Variants in WDR48 observed in about 807,000 individuals in gnomAD.
The protein encoded by WDR48 is WD repeat domain 48, also known as WD repeat-containing protein 48.
Under a neutral mutation model 94.0 loss-of-function variants are expected in WDR48, and 22 were observed. The observed-to-expected ratio is 0.23, with a 90% confidence interval of 0.17 to 0.33. The LOEUF is 0.33. Among genes scored for constraint, WDR48 ranks in the 10% least tolerant of loss-of-function variants. WDR48 has a pLI of 1.00. For missense variants in WDR48, 541 were observed against 813.8 expected (o/e 0.66, Z 4.08); for synonymous variants, 278 against 280.5 (o/e 0.99, Z 0.09).
At position 39,079,748 on chromosome 3, in the gene WDR48, T is replaced by A; in HGVS notation, c.1113T>A (p.Asp371Glu). 8 of 1,562,396 alleles carry A rather than the reference T, an allele frequency of 5.1e-6. No individual in the cohort carries two copies. The highest frequency in any genetic ancestry group is 6.0e-6 in the Non-Finnish European group (7 of 1,162,216). The change falls in exon 11 of 19, where the codon GAT becomes GAA. Residue 371 changes from aspartate (D) to glutamate (E), a missense_variant. Around this residue, in one of 5 missense-constraint regions of WDR48, gnomAD observed 238 missense variants for 285.3 expected, o/e 0.83. Transcript: ENST00000302313. Reference protein sequence around the residue: ...ASIIQCHILNDKRHILTKDTN... With the variant: ...ASIIQCHILNEKRHILTKDTN... Reference sequence around the variant, plus strand: ...TTATTCAGTGCCACATTCTTAATGATAAGAGACATATATTAACCAAAGATA... The same window carrying A: ...TTATTCAGTGCCACATTCTTAATGAAAAGAGACATATATTAACCAAAGATA...
chr3:39,056,264 T>C (rs534820230), intron 1 of WDR48, among the ~76,000 whole-genome samples: 1 of 152,256 alleles, frequency 6.6e-6, no homozygotes, highest in Admixed American at 6.5e-5. Flanking sequence ...AAAGGAAGTG[T>C]TACAAAAATA....
chr3:39,074,728 C>T lies in WDR48; in HGVS notation c.675C>T (p.Cys225=), dbSNP rs376868647. Residue 225 remains cysteine, a splice_region_variant and synonymous_variant, in exon 8 of 19, where the codon TGC becomes TGT. Transcript: ENST00000302313. The part of the protein sequence containing the change: ...ALLLNRDGTQ[C]LSGSSDGTIR... ...ACTTTGCCTTTCTTTGTTTGCAGTG[C>T]CTGTCAGGCAGTTCTGATGGGACAA... 6.2e-7 allele frequency: 1 copy of T among 1,613,766 alleles called. No individual in the cohort carries two copies. The highest frequency in any genetic ancestry group is 8.5e-7 in the Non-Finnish European group (1 of 1,179,724).
At chr3:39,058,659 T>C (rs892795662) in intron 1 of WDR48, among the ~76,000 whole-genome samples, 9 of 152,212 alleles carry the variant, frequency 5.9e-5, no homozygotes, top group Non-Finnish European at 1.3e-4. Flanking sequence ...AGCCAATTCA[T>C]GCAATGATAC....
rs768027087 is a variant in WDR48, at chr3:39,089,220, T to C, written c.1581-11T>C. ...TGTTGGGTTACTTACTACTTGATGG[T>C]TTATGTTTAGGCTGCTCTGCCGAGA... On this transcript the variant is annotated splice_polypyrimidine_tract_variant and intron_variant, in intron 15 of 18. Coordinates refer to ENST00000302313, the MANE Select transcript of WDR48 (RefSeq NM_020839.4). 8.1e-6 allele frequency: 13 copies of C among 1,609,958 alleles called. No individual in the cohort carries two copies. In the South Asian group the frequency reaches 1.4e-4, roughly 18 times the overall value.
Position 39,071,526 on chromosome 3 carries a change from CTT to C in WDR48, c.672+1783_672+1784del, listed in dbSNP as rs142604960. Among the ~76,000 whole-genome samples the C allele has an allele frequency of 7.6e-3, 1,165 of 152,342 alleles. 16 individuals carry two copies. Among genetic ancestry groups the C allele is most frequent in the African/African-American group, 0.024 (1,018 of 41,572 alleles). On this transcript the variant is annotated intron_variant, in intron 7 of 18. Coordinates refer to ENST00000302313, the MANE Select transcript of WDR48 (RefSeq NM_020839.4). ...AAAGCTCTACCTGTCTGCTCCATCTCTTGTTTCCTATCTATGCAATTATGAAT... is the reference window on the plus strand; with the variant it reads ...AAAGCTCTACCTGTCTGCTCCATCTCGTTTCCTATCTATGCAATTATGAAT...
At chr3:39,090,560 T>C (rs1234380890) in intron 16 of WDR48, 1 of 152,234 alleles carries the variant, frequency 6.6e-6, no homozygotes, top group Non-Finnish European at 1.5e-5. Context: ...TCTAGCTCTC[T>C]AATCTATTAG....
intron 8 of WDR48, 24 bp downstream of exon 8, chr3:39,074,974 G>A (rs2034137366): frequency 6.2e-7 from 1 of 1,606,950 alleles, no homozygotes; most frequent in South Asian, 1.1e-5. Flanking sequence ...TAATATTTTA[G>A]TTTTATAATT....
chr3:39,054,699 A>G (rs777531497), intron 1 of WDR48, among the ~76,000 whole-genome samples: 47 of 152,330 alleles, frequency 3.1e-4, no homozygotes, highest in Admixed American at 2.4e-3. Context: ...TTGAATTGCT[A>G]TAAAGAAATA....
In WDR48 at chr3:39,056,946, A is replaced by C. The variant is rs145152193; in HGVS notation, c.48+4873A>C. Among the ~76,000 whole-genome samples, 1,213 of 152,260 alleles carry C rather than the reference A, an allele frequency of 8.0e-3. 7 individuals are homozygous for C. Among genetic ancestry groups the C allele is most frequent in the Non-Finnish European group, 9.7e-3 (660 of 68,024 alleles). The stretch of plus-strand genomic sequence containing the variant: ...GCAGTCAGCCTAGATTGTAATGAGA[A>C]GAAGGAGGGTTTGGAGGGGGAAGCC... On this transcript the variant is annotated intron_variant, in intron 1 of 18. Transcript: ENST00000302313.
intron 7 of WDR48, among the ~76,000 whole-genome samples, chr3:39,073,775 C>A (rs1316767430): frequency 3.3e-5 from 5 of 152,186 alleles, no homozygotes; most frequent in Non-Finnish European, 7.3e-5. Flanking sequence ...TGTTAACTCA[C>A]TTGAGGCTCA....
intron 2 of WDR48, among the ~76,000 whole-genome samples, chr3:39,064,919 G>C (rs2033510362): frequency 6.6e-6 from 1 of 152,178 alleles, no homozygotes; most frequent in Admixed American, 6.5e-5. Context: ...TCTCCTTTCT[G>C]AGCATTCACA....
intron 7 of WDR48, 65 bp from the exon 8 acceptor site, chr3:39,074,661 A>G: frequency 6.5e-7 from 1 of 1,534,830 alleles, no homozygotes. Context: ...GGAGAAGTCA[A>G]GTGCAAAGCA....
intron 7 of WDR48, among the ~76,000 whole-genome samples, chr3:39,072,759 C>T (rs550434972): frequency 6.6e-6 from 1 of 152,278 alleles, no homozygotes; most frequent in South Asian, 2.1e-4. Flanking sequence ...ATGACTCCTC[C>T]AGCTCCTACA....
chr3:39,084,022 A>G lies in WDR48; in HGVS notation c.1174-133A>G, dbSNP rs2034675057. 1.8e-5 allele frequency: 10 copies of G among 562,174 alleles called. No individual in the cohort carries two copies. The East Asian group carries it at 3.1e-4, about 17-fold the overall frequency. 34.8% of individuals were successfully genotyped at this position (562,174 alleles called of 1,614,324 possible). On this transcript the variant is annotated intron_variant, in intron 11 of 18. Coordinates refer to ENST00000302313, the MANE Select transcript of WDR48 (RefSeq NM_020839.4). ...GATTGTTATTTTAAAAAAGGACCAC[A>G]TTCTTTTTGAAATGTATTTTAGACT...
chr3:39,075,019 A>G, intron 8 of WDR48, 69 bp downstream of exon 8: 1 of 1,462,538 alleles, frequency 6.8e-7, no homozygotes, highest in Non-Finnish European at 9.3e-7. Context: ...ATAGAGCAAA[A>G]GCTATATTAA....
At position 39,094,941 on chromosome 3, in the gene WDR48, C is replaced by T. The variant is rs2035268003; in HGVS notation, c.*198C>T. 3 of 693,644 alleles carry T rather than the reference C, an allele frequency of 4.3e-6. No individual in the cohort carries two copies. The East Asian group carries it at 8.3e-5, about 19-fold the overall frequency. 43.0% of individuals were successfully genotyped at this position (693,644 alleles called of 1,614,324 possible). A position where few individuals can be genotyped will look rare whatever the true frequency, so the allele number is the denominator to read the frequency against. ...GTCTCCATGTGTAGATTAAGCTGTC[C>T]CCAGGGAAGCAGAGTGCAAGAGCAG... On this transcript the variant is annotated 3_prime_UTR_variant, in exon 19 of 19. Transcript: ENST00000302313.
At chr3:39,056,016 A>G (rs2032858753) in intron 1 of WDR48, among the ~76,000 whole-genome samples, 1 of 152,032 alleles carries the variant, frequency 6.6e-6, no homozygotes, top group African/African-American at 2.4e-5. Context: ...ATTTTCCTCT[A>G]TTTTTCTATA....
intron 5 of WDR48, among the ~76,000 whole-genome samples, chr3:39,067,674 A>G (rs2033689905): frequency 6.6e-6 from 1 of 152,218 alleles, no homozygotes; most frequent in South Asian, 2.1e-4. Context: ...CCTACATTAT[A>G]GGTCCATTTT....
At chr3:39,052,438 C>G in intron 1 of WDR48, 1 of 225,602 alleles carries the variant, frequency 4.4e-6, no homozygotes, top group South Asian at 5.0e-5. Context: ...TGCGTCGGAG[C>G]CGAGGCCTCC....
Sources: allele counts gnomAD v4.1 joint callset (sites outside exome capture counted in the v4.1 genomes callset), GRCh38; gene constraint gnomAD v4.1.1; regional missense constraint gnomAD v4.1.1; transcripts MANE v1.5; gene names NCBI Gene and HGNC (gene_info 2026-07-23, HGNC 2026-07-21).